Variants in FOCAD observed in about 807,000 individuals in gnomAD.
FOCAD encodes the protein KIAA1797.
A neutral mutation model predicts 225.6 loss-of-function variants in FOCAD; 198 were observed. The ratio of observed to expected loss-of-function variants is 0.88; its 90% CI spans 0.78 to 0.99. The LOEUF (loss-of-function observed/expected upper bound fraction) is 0.99. Ranked by LOEUF, FOCAD falls within the 50% of genes least tolerant of loss-of-function variation. FOCAD has a pLI of 0.00. For synonymous variants in FOCAD, 897 were observed against 755.0 expected, an observed-to-expected ratio of 1.19 and a Z score of -3.08; for missense variants, 2,713 against 2,123.6, an observed-to-expected ratio of 1.28 and a Z score of -5.46.
intron 21 of FOCAD, among the ~76,000 whole-genome samples, chr9:20,891,461 A>T (rs951509210): frequency 6.6e-6 from 1 of 152,234 alleles, no homozygotes; most frequent in Non-Finnish European, 1.5e-5. Flanking sequence ...AAGGAAATTA[A>T]ATGTGCTACT....
intron 21 of FOCAD, among the ~76,000 whole-genome samples, chr9:20,904,018 T>C (rs908694879): frequency 1.3e-5 from 2 of 151,998 alleles, no homozygotes; most frequent in Non-Finnish European, 2.9e-5. Flanking sequence ...ATATAACACG[T>C]GACCATTTGT....
chr9:20,850,855 C>G (rs1212770941), intron 15 of FOCAD, among the ~76,000 whole-genome samples: 1 of 147,602 alleles, frequency 6.8e-6, no homozygotes, highest in Non-Finnish European at 1.5e-5. Context: ...TAGTATGAAA[C>G]TTCTGCAGTT....
chr9:20,742,164 A>C (rs1352722699), intron 5 of FOCAD, among the ~76,000 whole-genome samples: 1 of 152,184 alleles, frequency 6.6e-6, no homozygotes, highest in African/African-American at 2.4e-5. Context: ...GCTTCCCAAC[A>C]TTGGTGCCCA....
intron 11 of FOCAD, 68 bp downstream of exon 11, chr9:20,789,676 T>A (rs1188038148): frequency 6.4e-7 from 1 of 1,564,126 alleles, no homozygotes; most frequent in Non-Finnish European, 8.7e-7. Flanking sequence ...AGATTATTCC[T>A]GCTTTGTGGA....
chr9:20,893,927 C>T (rs1831849263), intron 21 of FOCAD, among the ~76,000 whole-genome samples: 2 of 152,084 alleles, frequency 1.3e-5, no homozygotes, highest in African/African-American at 2.4e-5. Flanking sequence ...GTTAAACATT[C>T]TATGGGTTTG....
At chr9:20,956,497 A>G (rs992419870) in intron 35 of FOCAD, among the ~76,000 whole-genome samples, 9 of 152,138 alleles carry the variant, frequency 5.9e-5, no homozygotes, top group African/African-American at 2.2e-4. Context: ...GTCCTCCTAT[A>G]TGTATGTGTA....
intron 5 of FOCAD, among the ~76,000 whole-genome samples, chr9:20,741,332 A>G (rs560356266): frequency 2.0e-4 from 31 of 152,182 alleles, no homozygotes; most frequent in African/African-American, 7.5e-4. Context: ...TTTCTTTTTG[A>G]TAATAAGTAA....
intron 28 of FOCAD, among the ~76,000 whole-genome samples, chr9:20,937,836 A>G (rs1189209707): frequency 6.6e-6 from 1 of 152,238 alleles, no homozygotes; most frequent in African/African-American, 2.4e-5. Context: ...CTCATCTGAC[A>G]AAAGGCTAAT....
At chr9:20,908,132 A>C (rs1833141389) in intron 22 of FOCAD, among the ~76,000 whole-genome samples, 1 of 152,164 alleles carries the variant, frequency 6.6e-6, no homozygotes, top group Non-Finnish European at 1.5e-5. Flanking sequence ...TTAACAATAC[A>C]AGAAAACAAC....
In FOCAD at chr9:20,684,289, G is replaced by A. The variant is rs1000478682; in HGVS notation, c.-37G>A. 2 of 152,452 alleles carry A rather than the reference G, an allele frequency of 1.3e-5. No homozygotes were observed. The highest frequency in any genetic ancestry group is 1.9e-4 in the East Asian group (1 of 5,192). The allele number at this position is 152,452 out of a possible 1,614,324, so 9.4% of individuals were successfully genotyped here. On this transcript the variant is annotated 5_prime_UTR_variant, in exon 1 of 44. Coordinates refer to ENST00000338382, the MANE Select transcript of FOCAD (RefSeq NM_001375567.1). Reference sequence around the variant, plus strand: ...GCGCTGGGCTGAGCTTGTGGCAGAAGGGAGGTAAGCCGTGCGGGGCGGCGG... The same window carrying A: ...GCGCTGGGCTGAGCTTGTGGCAGAAAGGAGGTAAGCCGTGCGGGGCGGCGG...
intron 15 of FOCAD, among the ~76,000 whole-genome samples, chr9:20,839,513 G>A (rs1420028092): frequency 6.6e-6 from 1 of 151,892 alleles, no homozygotes; most frequent in Non-Finnish European, 1.5e-5. Context: ...TGCCCGCTTA[G>A]GCCTCTCAAA....
chr9:20,926,042 T>C (rs1834907441), intron 25 of FOCAD, among the ~76,000 whole-genome samples: 2 of 152,224 alleles, frequency 1.3e-5, no homozygotes, highest in Non-Finnish European at 2.9e-5. Flanking sequence ...TGGATAGTTC[T>C]GTTTTGCAGC....
At chr9:20,809,646 C>T (rs981594379) in intron 11 of FOCAD, among the ~76,000 whole-genome samples, 1 of 151,966 alleles carries the variant, frequency 6.6e-6, no homozygotes, top group Admixed American at 6.6e-5. Context: ...TCTATAGAAA[C>T]GATTTTTATA....
At chr9:20,749,833 T>C (rs1828383040) in intron 5 of FOCAD, among the ~76,000 whole-genome samples, 1 of 152,172 alleles carries the variant, frequency 6.6e-6, no homozygotes, top group South Asian at 2.1e-4. Context: ...CTTTTTGATT[T>C]GCCTATCACA....
chr9:20,816,527 C>G (rs1823744993), intron 11 of FOCAD, among the ~76,000 whole-genome samples: 3 of 151,996 alleles, frequency 2.0e-5, no homozygotes, highest in Admixed American at 2.0e-4. Context: ...CTATTACATG[C>G]ACAGCTCCAC....
At chr9:20,969,568 C>G (rs1308769670) in intron 35 of FOCAD, among the ~76,000 whole-genome samples, 1 of 151,994 alleles carries the variant, frequency 6.6e-6, no homozygotes, top group Non-Finnish European at 1.5e-5. Context: ...TTCTATTTCT[C>G]CCTTTCATGT....
intron 1 of FOCAD, among the ~76,000 whole-genome samples, chr9:20,713,931 T>C (rs1392233602): frequency 6.6e-6 from 1 of 152,186 alleles, no homozygotes; most frequent in African/African-American, 2.4e-5. Context: ...TAGATTTAGA[T>C]AGGAAAATAG....
At position 20,964,338 on chromosome 9, in the gene FOCAD, G is replaced by T. The variant is rs75892528; in HGVS notation, c.4132+11273G>T. 5.6e-3 allele frequency among the ~76,000 whole-genome samples: 856 copies of T among 152,204 alleles called. 6 individuals carry two copies. The highest frequency in any genetic ancestry group is 0.02 in the African/African-American group (824 of 41,522). ...TAGTGCTGCTGCACTTACTTGCAGT[G>T]AACCAAGATAGTGCTACTGCACTTC... On this transcript the variant is annotated intron_variant, in intron 35 of 43. Coordinates refer to ENST00000338382, the MANE Select transcript of FOCAD (RefSeq NM_001375567.1).
chr9:20,986,283 T>TTTTTTTTTTTTTTTTTTTTTTTTATA lies in FOCAD; in HGVS notation c.4729-5_4729-4insTTTTTTTTTTTTTTTTTTTTTTTATA. On this transcript the variant is annotated splice_polypyrimidine_tract_variant and splice_region_variant and intron_variant, in intron 39 of 43. Transcript: ENST00000338382. Reference sequence around the variant, plus strand: ...ACTAAACAATTTTTTTTTTTTTTTTTGCAGAGCAACATAGAAAAAGCTGCC... The same window carrying TTTTTTTTTTTTTTTTTTTTTTTTATA: ...ACTAAACAATTTTTTTTTTTTTTTTTTTTTTTTTTTTTTTTTTTTTTTTATAGCAGAGCAACATAGAAAAAGCTGCC... 1 of 1,476,884 alleles carries TTTTTTTTTTTTTTTTTTTTTTTTATA rather than the reference T, an allele frequency of 6.8e-7. No individual in the cohort carries two copies. The highest frequency in any genetic ancestry group is 9.0e-7 in the Non-Finnish European group (1 of 1,113,550). 91.5% of individuals were successfully genotyped at this position (1,476,884 alleles called of 1,614,324 possible).
Sources: gnomAD v4.1 joint callset for allele counts (sites outside exome capture counted in the v4.1 genomes callset) on GRCh38, gnomAD v4.1.1 for gene constraint, MANE v1.5 for transcripts, NCBI Gene and HGNC (gene_info 2026-07-23, HGNC 2026-07-21) for gene names.